The following RHNO1 variants were observed in gnomAD, a reference collection of about 807,000 sequenced individuals.
The protein encoded by RHNO1 is RAD9, HUS1, RAD1-interacting nuclear orphan protein 1.
A neutral mutation model predicts 7.2 loss-of-function variants in RHNO1; 9 were observed. The ratio of observed to expected loss-of-function variants is 1.25; its 90% CI spans 0.75 to 2.18. RHNO1 has a LOEUF of 2.18. Ranked by LOEUF, RHNO1 falls within the 30% of genes most tolerant of loss-of-function variation. RHNO1 has a pLI of 0.00. For synonymous variants in RHNO1, 95 were observed against 107.5 expected (o/e 0.88, Z 0.72); for missense variants, 292 against 284.5 (o/e 1.03, Z -0.19).
chr12:2,885,558 GACATT>G, intron 2 of RHNO1, 24 bp downstream of exon 2: 1 of 605,546 alleles, frequency 1.7e-6, no homozygotes, highest in East Asian at 3.8e-5. Flanking sequence ...ATTACTATTT[GACATT>G]TTTTTTTTTT....
chr12:2,881,183 A>C (rs938909505), intron 1 of RHNO1, among the ~76,000 whole-genome samples: 1 of 151,602 alleles, frequency 6.6e-6, no homozygotes, highest in African/African-American at 2.4e-5. Context: ...GCTCACTGCA[A>C]CCTCCGCCTC....
intron 2 of RHNO1, among the ~76,000 whole-genome samples, chr12:2,887,538 A>G (rs2098167083): frequency 6.6e-6 from 1 of 151,512 alleles, no homozygotes; most frequent in Non-Finnish European, 1.5e-5. Context: ...AGTCCCAGCT[A>G]CTCGGGAAGC....
intron 2 of RHNO1, among the ~76,000 whole-genome samples, chr12:2,887,478 CAA>C (rs11310263): frequency 0.02 from 1,755 of 89,102 alleles, 33 homozygotes; most frequent in African/African-American, 0.065. Flanking sequence ...ACTCTGTCTC[CAA>C]AAAAAAAAAA....
Position 2,888,333 on chromosome 12 carries a change from T to A in RHNO1, c.591T>A (p.Val197=). The A allele has an allele frequency of 6.2e-7, 1 of 1,614,128 alleles. No individual in the cohort carries two copies. Among genetic ancestry groups the A allele is most frequent in the African/African-American group, 1.3e-5 (1 of 75,016 alleles). The change falls in exon 3 of 3, where the codon GTT becomes GTA. Residue 197 remains valine, a synonymous_variant. Transcript: ENST00000489288. ...GTPNSPEPGP[V]LVKDTPEDKY... Reference sequence around the variant, plus strand: ...CTAATAGCCCAGAGCCTGGACCTGTTCTGGTTAAAGACACCCCCGAGGACA... The same window carrying A: ...CTAATAGCCCAGAGCCTGGACCTGTACTGGTTAAAGACACCCCCGAGGACA...
chr12:2,883,066 CAA>C (rs776370244), intron 1 of RHNO1, among the ~76,000 whole-genome samples: 7 of 36,492 alleles, frequency 1.9e-4, no homozygotes, highest in Non-Finnish European at 1.1e-4. Flanking sequence ...GGCCCTGTCT[CAA>C]AAAAAAAAAA....
intron 1 of RHNO1, among the ~76,000 whole-genome samples, chr12:2,883,070 A>AAAAAAAAAAAAAAAAAC (rs2098160141): frequency 7.1e-6 from 1 of 140,770 alleles, no homozygotes; most frequent in African/African-American, 2.7e-5. Context: ...CTGTCTCAAA[A>AAAAAAAAAAAAAAAAAC]AAAAAAAAAA....
At chr12:2,876,439 T>G (rs1438786543), upstream of RHNO1, 1 of 152,180 alleles carries the variant, frequency 6.6e-6, no homozygotes, top group African/African-American at 2.4e-5. Context: ...CCAGAGTGGC[T>G]CCTCCGACCC....
At chr12:2,881,942 CT>C (rs1189016113) in intron 1 of RHNO1, among the ~76,000 whole-genome samples, 10 of 151,104 alleles carry the variant, frequency 6.6e-5, no homozygotes, top group Non-Finnish European at 1.5e-4. Flanking sequence ...AAACTGTGTC[CT>C]TTTTTTTCTT....
At chr12:2,883,863 G>C (rs1014007976) in intron 1 of RHNO1, among the ~76,000 whole-genome samples, 1 of 151,848 alleles carries the variant, frequency 6.6e-6, no homozygotes, top group South Asian at 2.1e-4. Flanking sequence ...AGTGGCTAGG[G>C]GTGTAGATGG....
At chr12:2,882,361 T>A (rs2098158968) in intron 1 of RHNO1, among the ~76,000 whole-genome samples, 1 of 151,058 alleles carries the variant, frequency 6.6e-6, no homozygotes, top group East Asian at 1.9e-4. Context: ...AAAAGTCGGG[T>A]TGGAGATGGG....
chr12:2,878,270 G>C (rs2098151405), intron 1 of RHNO1, among the ~76,000 whole-genome samples: 1 of 152,228 alleles, frequency 6.6e-6, no homozygotes, highest in African/African-American at 2.4e-5. Context: ...AGGTAGGACA[G>C]GAAAGGCTTT....
At chr12:2,883,971 C>T (rs932135545) in intron 1 of RHNO1, among the ~76,000 whole-genome samples, 5 of 151,990 alleles carry the variant, frequency 3.3e-5, no homozygotes, top group African/African-American at 1.2e-4. Flanking sequence ...TTGACATTAT[C>T]TGGAGTGAAA....
At chr12:2,883,511 A>ATATTTTTTTTTT (rs2098161542) in intron 1 of RHNO1, among the ~76,000 whole-genome samples, 2 of 26,826 alleles carry the variant, frequency 7.5e-5, no homozygotes, top group African/African-American at 3.3e-4. Context: ...ATATATATAT[A>ATATTTTTTTTTT]TTTTTTTTTT....
chr12:2,880,926 A>C (rs986751990), intron 1 of RHNO1, among the ~76,000 whole-genome samples: 1 of 151,938 alleles, frequency 6.6e-6, no homozygotes, highest in African/African-American at 2.4e-5. Flanking sequence ...GGCGTGAGCT[A>C]CTGCACCTAG....
intron 1 of RHNO1, among the ~76,000 whole-genome samples, chr12:2,884,057 T>A (rs1014392554): frequency 1.3e-5 from 2 of 152,004 alleles, no homozygotes; most frequent in African/African-American, 2.4e-5. Flanking sequence ...TGTTTTTTTT[T>A]ATTTGTTTGT....
At chr12:2,882,660 GCCACTGCACT>G (rs1177885625) in intron 1 of RHNO1, among the ~76,000 whole-genome samples, 1 of 152,182 alleles carries the variant, frequency 6.6e-6, no homozygotes, top group Non-Finnish European at 1.5e-5. Flanking sequence ...CCAAGATCAA[GCCACTGCACT>G]CCAGCCTGGA....
intron 1 of RHNO1, among the ~76,000 whole-genome samples, chr12:2,878,602 G>A (rs112513247): frequency 6.1e-4 from 93 of 152,072 alleles, no homozygotes; most frequent in Middle Eastern, 3.4e-3. Flanking sequence ...TCTATAGCGG[G>A]GATTGCTAGA....
intron 1 of RHNO1, among the ~76,000 whole-genome samples, chr12:2,882,437 G>A (rs773233930): frequency 5.3e-5 from 8 of 151,958 alleles, no homozygotes; most frequent in Non-Finnish European, 1.2e-4. Context: ...GGTGGCTCAC[G>A]CTTGTAACCC....
Position 2,888,000 on chromosome 12 carries a change from T to G in RHNO1, c.258T>G (p.Pro86=). 6.2e-7 allele frequency: 1 copy of G among 1,613,838 alleles called. No individual in the cohort carries two copies. The highest frequency in any genetic ancestry group is 1.3e-5 in the African/African-American group (1 of 74,936). The change falls in exon 3 of 3, where the codon CCT becomes CCG. Residue 86 remains proline, a synonymous_variant. Transcript: ENST00000489288. The stretch of plus-strand genomic sequence containing the variant: ...GGGCGAGACACTCAAGTCGAAAACC[T>G]ACCACCTCCAAGTTTCCACATCTAA... The part of the protein sequence containing the change: ...QNRARHSSRK[P]TTSKFPHLTF...
Sources: allele counts gnomAD v4.1 joint callset (sites outside exome capture counted in the v4.1 genomes callset), GRCh38; gene constraint gnomAD v4.1.1; transcripts MANE v1.5; gene names NCBI Gene and HGNC (gene_info 2026-07-23, HGNC 2026-07-21).